OCA2: variants seen among roughly 807,000 people sequenced by gnomAD.
OCA2 encodes P protein.
OCA2 carries 77 observed loss-of-function variants against 100.2 expected under a neutral mutation model. That is an observed-to-expected ratio of 0.77 (90% CI 0.64 to 0.93). The LOEUF (loss-of-function observed/expected upper bound fraction) is 0.93. Among genes scored for constraint, OCA2 ranks in the 40% least tolerant of loss-of-function variants. OCA2 has a pLI of 0.00. For missense variants in OCA2, 1,062 were observed against 1,089.1 expected (o/e 0.98, Z 0.35); for synonymous variants, 432 against 439.2 (o/e 0.98, Z 0.21).
At chr15:28,061,200 G>A (rs2043862011) in intron 2 of OCA2, among the ~76,000 whole-genome samples, 1 of 152,222 alleles carries the variant, frequency 6.6e-6, no homozygotes, top group South Asian at 2.1e-4. Context: ...CAGAAGTGAA[G>A]AAGAAGGCAG....
chr15:27,785,406 G>A (rs1487470552), intron 23 of OCA2, among the ~76,000 whole-genome samples: 1 of 152,046 alleles, frequency 6.6e-6, no homozygotes, highest in Non-Finnish European at 1.5e-5. Context: ...ATTAACAAAA[G>A]CTAGTATATC....
At chr15:27,972,892 G>A (rs2040850191) in intron 14 of OCA2, among the ~76,000 whole-genome samples, 1 of 142,514 alleles carries the variant, frequency 7.0e-6, no homozygotes, top group African/African-American at 2.6e-5. Flanking sequence ...TTGTGACAGA[G>A]TCTCTCTTTC....
At chr15:27,972,705 T>C (rs2040830723) in intron 14 of OCA2, among the ~76,000 whole-genome samples, 1 of 152,110 alleles carries the variant, frequency 6.6e-6, no homozygotes, top group Non-Finnish European at 1.5e-5. Flanking sequence ...GGATTATTTT[T>C]TTTTTCTTGC....
chr15:27,851,337 G>T (rs747937768), intron 22 of OCA2, 45 bp downstream of exon 22: 24 of 1,488,586 alleles, frequency 1.6e-5, no homozygotes, highest in Non-Finnish European at 2.2e-5. Context: ...CTGAACCACA[G>T]TGTGGGCGTG....
At chr15:27,760,604 T>C (rs1454752239) in intron 23 of OCA2, among the ~76,000 whole-genome samples, 8 of 151,876 alleles carry the variant, frequency 5.3e-5, no homozygotes, top group Admixed American at 5.2e-4. Flanking sequence ...AGAGAAATGG[T>C]CAATATCAAT....
chr15:28,003,691 C>T (rs1273685139), intron 9 of OCA2, among the ~76,000 whole-genome samples: 1 of 152,200 alleles, frequency 6.6e-6, no homozygotes, highest in Non-Finnish European at 1.5e-5. Flanking sequence ...GTCAATGACA[C>T]GGCCCTCGGG....
chr15:28,008,205 C>A (rs1479110442), intron 9 of OCA2, among the ~76,000 whole-genome samples: 3 of 152,194 alleles, frequency 2.0e-5, no homozygotes, highest in Non-Finnish European at 4.4e-5. Flanking sequence ...GACTTCCTCC[C>A]CATCTCATTA....
chr15:27,883,065 G>C (rs968881915), intron 19 of OCA2, among the ~76,000 whole-genome samples: 2 of 152,134 alleles, frequency 1.3e-5, no homozygotes, highest in East Asian at 3.9e-4. Context: ...GAACAGAACT[G>C]GGGGGCTTCT....
At chr15:27,871,561 G>A (rs1036915810) in intron 20 of OCA2, among the ~76,000 whole-genome samples, 9 of 152,226 alleles carry the variant, frequency 5.9e-5, no homozygotes, top group African/African-American at 2.2e-4. Flanking sequence ...TGATGGCCCG[G>A]CAGACCCCTG....
intron 14 of OCA2, among the ~76,000 whole-genome samples, chr15:27,982,634 C>A (rs1015388771): frequency 6.6e-6 from 1 of 152,130 alleles, no homozygotes; most frequent in South Asian, 2.1e-4. Flanking sequence ...TGGAACACAG[C>A]GTTCAAATAC....
intron 2 of OCA2, among the ~76,000 whole-genome samples, chr15:28,064,291 A>C (rs2043960045): frequency 6.6e-6 from 1 of 151,914 alleles, no homozygotes; most frequent in Admixed American, 6.6e-5. Flanking sequence ...GAATTCATCG[A>C]GCTTCTTGGA....
rs1448770785 is a variant in OCA2 at position 27,928,991 on chromosome 15, C to T, written c.1952-2737G>A. ...CTCCTTTGAAGCAGAGAGGTATGTA[C>T]GAATTAATTTGGGGAAAATTAACAT... is the stretch of plus-strand genomic sequence containing the variant. On this transcript the variant is annotated intron_variant, in intron 18 of 23. Coordinates refer to ENST00000354638, the MANE Select transcript of OCA2 (RefSeq NM_000275.3). 4.6e-5 allele frequency among the ~76,000 whole-genome samples: 7 copies of T among 152,118 alleles called. No individual in the cohort carries two copies. The South Asian group carries it at 8.3e-4, about 18-fold the overall frequency.
At chr15:27,979,172 G>A (rs190595637) in intron 14 of OCA2, among the ~76,000 whole-genome samples, 1 of 152,344 alleles carries the variant, frequency 6.6e-6, no homozygotes, top group Admixed American at 6.5e-5. Context: ...AGTAGACTTT[G>A]TGTTAGATTT....
chr15:27,726,044 C>T, the OCA2 span, among the ~76,000 whole-genome samples: 6 of 151,758 alleles, frequency 4.0e-5, no homozygotes, highest in Non-Finnish European at 8.8e-5. Flanking sequence ...TGCCTGTAAT[C>T]CCAGCACTTT....
chr15:27,872,691 AT>A (rs10572418), intron 19 of OCA2, among the ~76,000 whole-genome samples: 9,427 of 142,370 alleles, frequency 0.066, 754 homozygotes, highest in African/African-American at 0.19. Flanking sequence ...TAATTTTTTA[AT>A]TTTTTTTTTT....
At chr15:27,776,023 C>T (rs371134236) in intron 23 of OCA2, among the ~76,000 whole-genome samples, 3 of 152,356 alleles carry the variant, frequency 2.0e-5, no homozygotes, top group African/African-American at 7.2e-5. Context: ...ACCTCCTGGC[C>T]CACCTTCTTG....
chr15:28,072,790 C>A (rs1001826917), intron 2 of OCA2, among the ~76,000 whole-genome samples: 1 of 151,958 alleles, frequency 6.6e-6, no homozygotes, highest in Admixed American at 6.6e-5. Flanking sequence ...TTTTAAAAAT[C>A]AAAAAACAAC....
At chr15:27,723,327 A>G in the OCA2 span, among the ~76,000 whole-genome samples, 1 of 152,198 alleles carries the variant, frequency 6.6e-6, no homozygotes, top group East Asian at 1.9e-4. Flanking sequence ...TTTATTTAAT[A>G]AATGGCTAAC....
intron 23 of OCA2, among the ~76,000 whole-genome samples, chr15:27,818,215 C>T (rs12594427): frequency 0.14 from 21,653 of 151,930 alleles, 2,296 homozygotes; most frequent in East Asian, 0.54. Context: ...CATGGTGAAA[C>T]CCCATCTCTA....
Sources: gnomAD v4.1 joint callset for allele counts (sites outside exome capture counted in the v4.1 genomes callset) on GRCh38, gnomAD v4.1.1 for gene constraint, MANE v1.5 for transcripts, NCBI Gene and HGNC (gene_info 2026-07-23, HGNC 2026-07-21) for gene names.